Variants in DPP10 observed in about 807,000 individuals in gnomAD.
DPP10 encodes the protein dipeptidyl peptidase like 10.
In DPP10, 33 loss-of-function variants were observed where a neutral mutation model predicts 120.9. The observed-to-expected ratio is 0.27, with a 90% CI of 0.21 to 0.37. The LOEUF is 0.37. DPP10 is among the 10% of genes least tolerant of loss of function. DPP10 has a pLI of 1.00. For missense variants in DPP10, 816 were observed against 942.8 expected (o/e 0.87, Z 1.76); for synonymous variants, 337 against 326.1 (o/e 1.03, Z -0.36).
chr2:114,663,504 C>G (rs1486612840), intron 1 of DPP10, among the ~76,000 whole-genome samples: 1 of 150,082 alleles, frequency 6.7e-6, no homozygotes, highest in East Asian at 1.9e-4. Flanking sequence ...CCAACAGGAC[C>G]CGCTGTAATT....
intron 5 of DPP10, among the ~76,000 whole-genome samples, chr2:115,678,806 G>T (rs966161351): frequency 6.6e-6 from 1 of 152,188 alleles, no homozygotes; most frequent in East Asian, 1.9e-4. Context: ...AGCCACAGTG[G>T]GTGGAGATGC....
chr2:115,531,653 T>A (rs953825208), intron 5 of DPP10, among the ~76,000 whole-genome samples: 1 of 152,076 alleles, frequency 6.6e-6, no homozygotes, highest in African/African-American at 2.4e-5. Flanking sequence ...ATTCAAATTA[T>A]CCATATTAAA....
chr2:114,563,531 G>A (rs138422420), intron 1 of DPP10, among the ~76,000 whole-genome samples: 23 of 152,178 alleles, frequency 1.5e-4, no homozygotes, highest in South Asian at 6.2e-4. Flanking sequence ...TACATCTACC[G>A]TTCTATTTAT....
intron 1 of DPP10, among the ~76,000 whole-genome samples, chr2:115,135,607 C>A (rs1303912946): frequency 6.6e-6 from 1 of 152,150 alleles, no homozygotes; most frequent in East Asian, 1.9e-4. Flanking sequence ...CATTTCTACT[C>A]TCCAGTACAA....
At chr2:114,881,122 A>G (rs1691567312) in intron 1 of DPP10, among the ~76,000 whole-genome samples, 1 of 152,142 alleles carries the variant, frequency 6.6e-6, no homozygotes, top group African/African-American at 2.4e-5. Context: ...CATAAACATG[A>G]AGATCTAGGA....
chr2:114,722,119 G>A (rs1196914286), intron 1 of DPP10, among the ~76,000 whole-genome samples: 1 of 152,180 alleles, frequency 6.6e-6, no homozygotes, highest in Non-Finnish European at 1.5e-5. Flanking sequence ...AAAGGGAAAG[G>A]CCTGGATAGA....
At chr2:115,385,848 TGGGTGAGGAAA>T (rs1233395946) in intron 3 of DPP10, among the ~76,000 whole-genome samples, 1 of 152,224 alleles carries the variant, frequency 6.6e-6, no homozygotes, top group Non-Finnish European at 1.5e-5. Context: ...ATTCTTATCA[TGGGTGAGGAAA>T]GGTATCACAT....
Position 115,069,394 on chromosome 2 carries a change from A to C in DPP10, c.61-239845A>C, listed in dbSNP as rs1247516245. On this transcript the variant is annotated intron_variant, in intron 1 of 25. Coordinates refer to ENST00000410059, the MANE Select transcript of DPP10 (RefSeq NM_020868.6). ...TTTATATGTTTGTTTTGTATCCTGCAGTTATACACTGAAGTTGCTTATTAG... is the reference window on the plus strand; with the variant it reads ...TTTATATGTTTGTTTTGTATCCTGCCGTTATACACTGAAGTTGCTTATTAG... Among the ~76,000 whole-genome samples the C allele has an allele frequency of 2.6e-5, 4 of 152,190 alleles. No homozygotes were observed. The South Asian group carries it at 6.2e-4, about 24-fold the overall frequency.
At chr2:114,887,323 C>T (rs1229781650) in intron 1 of DPP10, among the ~76,000 whole-genome samples, 3 of 151,956 alleles carry the variant, frequency 2.0e-5, no homozygotes, top group Non-Finnish European at 2.9e-5. Flanking sequence ...AAGGTAGGCT[C>T]GGGAGAAAAA....
At chr2:114,689,367 A>T (rs1366634386) in intron 1 of DPP10, among the ~76,000 whole-genome samples, 7 of 152,002 alleles carry the variant, frequency 4.6e-5, no homozygotes, top group Non-Finnish European at 4.4e-5. Context: ...TTTGCTGAGA[A>T]TAATGGCTTC....
intron 1 of DPP10, among the ~76,000 whole-genome samples, chr2:115,079,798 A>T (rs1237715985): frequency 1.3e-5 from 2 of 152,198 alleles, no homozygotes; most frequent in African/African-American, 4.8e-5. Flanking sequence ...TGATGAACAG[A>T]TAGAGAAGTC....
intron 1 of DPP10, chr2:115,162,201 G>A (rs1353126016): frequency 1.9e-6 from 3 of 1,554,060 alleles, no homozygotes; most frequent in East Asian, 2.4e-5. Flanking sequence ...GGAAGTTAGA[G>A]CCTCTGCGTG....
chr2:115,378,585 C>T (rs938096266), intron 3 of DPP10, among the ~76,000 whole-genome samples: 1 of 150,472 alleles, frequency 6.6e-6, no homozygotes, highest in Non-Finnish European at 1.5e-5. Context: ...ACTTCCAACA[C>T]TATGTTGAAT....
At chr2:114,602,247 ATAAAGGTTT>A (rs1558922968) in intron 1 of DPP10, among the ~76,000 whole-genome samples, 2 of 151,928 alleles carry the variant, frequency 1.3e-5, no homozygotes, top group African/African-American at 4.8e-5. Context: ...ATCAAAGTAT[ATAAAGGTTT>A]TTCTAGGAAG....
chr2:114,716,489 A>C (rs988727368), intron 1 of DPP10, among the ~76,000 whole-genome samples: 4 of 152,158 alleles, frequency 2.6e-5, no homozygotes, highest in South Asian at 2.1e-4. Flanking sequence ...CATATACCAA[A>C]CTGTACACAG....
chr2:114,841,538 A>T (rs2222283), intron 1 of DPP10, among the ~76,000 whole-genome samples: 147,792 of 152,132 alleles, frequency 0.97, 71,941 homozygotes, highest in Middle Eastern at 1. Context: ...AAGTCAGAGA[A>T]TGGGGAGAGA....
In DPP10 at chr2:114,961,468, TGTGC is replaced by T. The variant is rs1482622176; in HGVS notation, c.61-347769_61-347766del. Among the ~76,000 whole-genome samples, 932 of 151,890 alleles carry T rather than the reference TGTGC, an allele frequency of 6.1e-3. 3 individuals carry two copies. Among genetic ancestry groups the T allele is most frequent in the African/African-American group, 0.021 (882 of 41,302 alleles). ...GAATGCGTGTGTGTGTGTGTGTGTGTGTGCGCGCGCACATTTCAGAGAAACCTGA... is the reference window on the plus strand; with the variant it reads ...GAATGCGTGTGTGTGTGTGTGTGTGTGCGCGCACATTTCAGAGAAACCTGA... On this transcript the variant is annotated intron_variant, in intron 1 of 25. Coordinates refer to ENST00000410059, the MANE Select transcript of DPP10 (RefSeq NM_020868.6).
chr2:115,671,557 T>C (rs1279908563), intron 5 of DPP10, among the ~76,000 whole-genome samples: 1 of 151,988 alleles, frequency 6.6e-6, no homozygotes, highest in African/African-American at 2.4e-5. Flanking sequence ...TTAGATATGT[T>C]ACATTAAATA....
At chr2:115,625,241 G>C (rs2085267814) in intron 5 of DPP10, among the ~76,000 whole-genome samples, 1 of 151,906 alleles carries the variant, frequency 6.6e-6, no homozygotes, top group Non-Finnish European at 1.5e-5. Flanking sequence ...GATCTTTTTT[G>C]GATTCACAAT....
Sources: gnomAD v4.1 joint callset for allele counts (sites outside exome capture counted in the v4.1 genomes callset) on GRCh38, gnomAD v4.1.1 for gene constraint, MANE v1.5 for transcripts, NCBI Gene and HGNC (gene_info 2026-07-23, HGNC 2026-07-21) for gene names.